The following TBC1D7 variants were observed in gnomAD, a reference collection of about 807,000 sequenced individuals.
TBC1D7 encodes the protein TBC domain family 7.
In TBC1D7, 33 loss-of-function variants were observed where a neutral mutation model predicts 35.3. The observed-to-expected ratio is 0.93, with a 90% CI of 0.71 to 1.25. The LOEUF is 1.25. Ranked by LOEUF, TBC1D7 falls within the 50% of genes most tolerant of loss-of-function variation. The pLI is 0.00. For missense variants in TBC1D7, 362 were observed against 365.3 expected (o/e 0.99, Z 0.07); for synonymous variants, 135 against 129.5 (o/e 1.04, Z -0.29).
chr6:13,310,144 T>A (rs182722060), intron 5 of TBC1D7, among the ~76,000 whole-genome samples: 103 of 152,332 alleles, frequency 6.8e-4, no homozygotes, highest in African/African-American at 2.3e-3. Context: ...CATTTACCCT[T>A]TGATCCAGCC....
intron 3 of TBC1D7, 86 bp from the exon 4 acceptor site, chr6:13,321,181 A>C (rs1179910537): frequency 8.6e-7 from 1 of 1,159,282 alleles, no homozygotes; most frequent in Non-Finnish European, 1.2e-6. Context: ...ATGCCGTGAG[A>C]AGCGACCCAC....
chr6:13,327,765 G>A (rs573797831), intron 1 of TBC1D7: 28 of 152,312 alleles, frequency 1.8e-4, no homozygotes, highest in Admixed American at 1.7e-3. Flanking sequence ...AAAAGACCAA[G>A]TTAGATTTGG....
chr6:13,315,020 C>T (rs1239142525), intron 5 of TBC1D7, among the ~76,000 whole-genome samples: 2 of 152,154 alleles, frequency 1.3e-5, no homozygotes, highest in East Asian at 1.9e-4. Context: ...CCCATGTGCC[C>T]CTCCTATGTC....
chr6:13,325,796 G>C (rs1225159580), intron 2 of TBC1D7, among the ~76,000 whole-genome samples: 1 of 152,180 alleles, frequency 6.6e-6, no homozygotes, highest in Non-Finnish European at 1.5e-5. Context: ...AAGCCTGTTA[G>C]GTAGTTCTTG....
chr6:13,321,025 G>A lies in TBC1D7; in HGVS notation c.264C>T (p.Val88=), dbSNP rs748898982. 3 of 1,614,132 alleles carry A rather than the reference G, an allele frequency of 1.9e-6. No individual in the cohort carries two copies. In the East Asian group the frequency reaches 6.7e-5, roughly 36 times the overall value. Residue 88 remains valine (V), a synonymous_variant, in exon 4 of 8, where the codon GTC becomes GTT. Coordinates refer to ENST00000379300, the MANE Select transcript of TBC1D7 (RefSeq NM_016495.6). Reference sequence around the variant, plus strand: ...AGCGAACGACTTTCAGGGCATGAAGGACATCCAAGTACTGCTCCTTACGAT... The same window carrying A: ...AGCGAACGACTTTCAGGGCATGAAGAACATCCAAGTACTGCTCCTTACGAT... ...MMYRKEQYLD[V]LHALKVVRFV...
At position 13,313,306 on chromosome 6, in the gene TBC1D7, T is replaced by G. The variant is rs531237030; in HGVS notation, c.519+3265A>C. ...ACTCAACTTCACTAGAAACTGAGGA[T>G]AGGTAAATTAAAATAAGATGCCATT... On this transcript the variant is annotated intron_variant, in intron 5 of 7. Transcript: ENST00000379300. Among the ~76,000 whole-genome samples, 3 of 152,208 alleles carry G rather than the reference T, an allele frequency of 2.0e-5. No individual in the cohort carries two copies. In the South Asian group the frequency reaches 6.2e-4, roughly 32 times the overall value.
chr6:13,306,647 C>T, intron 6 of TBC1D7, 120 bp from the exon 7 acceptor site: 2 of 785,408 alleles, frequency 2.5e-6, no homozygotes, highest in Non-Finnish European at 3.8e-6. Context: ...CTTCAAAGAA[C>T]AACTTTTATG....
At chr6:13,305,488 G>A (rs1358155640) in intron 7 of TBC1D7, 9 of 453,724 alleles carry the variant, frequency 2.0e-5, no homozygotes, top group Middle Eastern at 6.4e-4. Flanking sequence ...ACTTCACAGA[G>A]CTGTTCACAG....
Position 13,305,004 on chromosome 6 carries a change from A to G in TBC1D7, c.*97T>C, listed in dbSNP as rs1202469845. The G allele has an allele frequency of 2.9e-6, 3 of 1,048,472 alleles. No individual in the cohort carries two copies. Among genetic ancestry groups the G allele is most frequent in the East Asian group, 5.4e-5 (2 of 37,036 alleles). 64.9% of individuals were successfully genotyped at this position (1,048,472 alleles called of 1,614,324 possible). A position where few individuals can be genotyped will look rare whatever the true frequency, so the allele number is the denominator to read the frequency against. ...AAAAACCACTTTGAGCACCAAAGCAAGAAAAGTGTATTATTCAATCAGTTT... is the reference window on the plus strand; with the variant it reads ...AAAAACCACTTTGAGCACCAAAGCAGGAAAAGTGTATTATTCAATCAGTTT... On this transcript the variant is annotated 3_prime_UTR_variant, in exon 8 of 8. Transcript: ENST00000379300.
In TBC1D7 at chr6:13,325,102, A is replaced by C. The variant is rs1584575324; in HGVS notation, c.185T>G (p.Val62Gly). The change falls in exon 3 of 8, where the codon GTG becomes GGG. Residue 62 changes from valine (V) to glycine (G), a missense_variant. Val to Gly is a moderately radical substitution (Grantham distance 109). Coordinates refer to ENST00000379300, the MANE Select transcript of TBC1D7 (RefSeq NM_016495.6). ...ACTCCTGGGTCTCATACCTAGAAGCACCTTCCATACCAATGCACGGTACAT... is the reference window on the plus strand; with the variant it reads ...ACTCCTGGGTCTCATACCTAGAAGCCCCTTCCATACCAATGCACGGTACAT... The part of the protein sequence containing the change: ...PSMYRALVWK[V>G]LLGILPPHHE... 6.2e-7 allele frequency: 1 copy of C among 1,610,606 alleles called. No individual in the cohort carries two copies. Among genetic ancestry groups the C allele is most frequent in the Non-Finnish European group, 8.5e-7 (1 of 1,178,478 alleles).
chr6:13,306,066 G>A (rs1009797733), intron 7 of TBC1D7: 1 of 216,700 alleles, frequency 4.6e-6, no homozygotes, highest in East Asian at 1.7e-4. Flanking sequence ...CTAACCCTCA[G>A]GCCAACTTTA....
At chr6:13,314,191 C>T (rs1205058528) in intron 5 of TBC1D7, among the ~76,000 whole-genome samples, 1 of 145,400 alleles carries the variant, frequency 6.9e-6, no homozygotes, top group Non-Finnish European at 1.5e-5. Context: ...GGCGACCAAG[C>T]GAGACTCCAT....
At chr6:13,310,672 T>G (rs1295107630) in intron 5 of TBC1D7, among the ~76,000 whole-genome samples, 2 of 138,276 alleles carry the variant, frequency 1.4e-5, no homozygotes, top group African/African-American at 5.4e-5. Context: ...TTTAAGAATA[T>G]ATACACAGGA....
At chr6:13,324,626 A>G (rs113921491) in intron 3 of TBC1D7, among the ~76,000 whole-genome samples, 9 of 152,194 alleles carry the variant, frequency 5.9e-5, no homozygotes, top group African/African-American at 2.2e-4. Context: ...CACTCGCACC[A>G]CTGGAATTTA....
In TBC1D7 at chr6:13,326,845, C is replaced by A; in HGVS notation, c.54G>T (p.Gly18=). The A allele has an allele frequency of 6.2e-6, 10 of 1,613,224 alleles. No individual in the cohort carries two copies. Among genetic ancestry groups the A allele is most frequent in the Non-Finnish European group, 8.5e-6 (10 of 1,179,704 alleles). ...NFRSVYYEKV[G]FRGVEEKKSL... is the part of the protein sequence containing the mutation. The stretch of plus-strand genomic sequence containing the variant: ...ATTTCTTTTCTTCAACTCCACGAAA[C>A]CCCACTTTCTCATAATATACTGAAC... Residue 18 remains glycine, a synonymous_variant, in exon 2 of 8, where the codon GGG becomes GGT. Transcript: ENST00000379300.
chr6:13,305,114 A>ACCC lies in TBC1D7; in HGVS notation c.868_869insGGG (p.Pro289_Val290insGly). The ACCC allele has an allele frequency of 6.2e-7, 1 of 1,612,916 alleles. No individual in the cohort carries two copies. The highest frequency in any genetic ancestry group is 8.5e-7 in the Non-Finnish European group (1 of 1,179,388). ...CAGCGGGTGCGTTCAGCTTGAATGG[A>ACCC]CCGGGGTCCCACAGTGTTTGTGCCA... On this transcript the variant is annotated inframe_insertion, in exon 8 of 8. Transcript: ENST00000379300.
rs1237564680 is a variant in TBC1D7 at position 13,325,167 on chromosome 6, C to T, written c.120G>A (p.Glu40=). 6.2e-7 allele frequency: 1 copy of T among 1,612,540 alleles called. No individual in the cohort carries two copies. Among genetic ancestry groups the T allele is most frequent in the Non-Finnish European group, 8.5e-7 (1 of 1,178,708 alleles). ...ACCTCTGACTAAAAGTACAAAGTTT[C>T]TCAGTATCTAGAGGAAGAAGAAAAC... ...ILLKDDRLDT[E]KLCTFSQRFP... Residue 40 remains glutamate (E), a synonymous_variant, in exon 3 of 8, where the codon GAG becomes GAA. Coordinates refer to ENST00000379300, the MANE Select transcript of TBC1D7 (RefSeq NM_016495.6).
At chr6:13,314,480 G>A (rs181898895) in intron 5 of TBC1D7, among the ~76,000 whole-genome samples, 236 of 152,174 alleles carry the variant, frequency 1.6e-3, no homozygotes, top group Middle Eastern at 6.8e-3. Flanking sequence ...TGACTTACTC[G>A]AATATTAAAT....
intron 7 of TBC1D7, chr6:13,306,050 T>G (rs2127520058): frequency 4.8e-6 from 1 of 208,460 alleles, no homozygotes; most frequent in South Asian, 6.6e-5. Flanking sequence ...AAAGACAGGA[T>G]GCAAACTAAC....
Sources: allele counts gnomAD v4.1 joint callset (sites outside exome capture counted in the v4.1 genomes callset), GRCh38; gene constraint gnomAD v4.1.1; transcripts MANE v1.5; gene names NCBI Gene and HGNC (gene_info 2026-07-23, HGNC 2026-07-21).